The following DPYD variants were observed in gnomAD, a reference collection of about 807,000 sequenced individuals.
The protein encoded by DPYD is dihydropyrimidine dehydrogenase [NADP(+)].
A neutral mutation model predicts 116.2 loss-of-function variants in DPYD; 109 were observed. The observed-to-expected ratio is 0.94, with a 90% CI of 0.80 to 1.10. The LOEUF is 1.10. DPYD is among the 50% of genes least tolerant of loss of function. The pLI is 0.00. For missense variants in DPYD, 1,302 were observed against 1,254.5 expected (o/e 1.04, Z -0.57); for synonymous variants, 440 against 432.0 (o/e 1.02, Z -0.23).
At chr1:97,591,508 C>T (rs532839967) in intron 10 of DPYD, among the ~76,000 whole-genome samples, 10 of 152,006 alleles carry the variant, frequency 6.6e-5, no homozygotes, top group African/African-American at 1.9e-4. Context: ...AAATTCATAC[C>T]GCTACCCTCT....
intron 12 of DPYD, among the ~76,000 whole-genome samples, chr1:97,532,676 T>C (rs936052963): frequency 1.3e-5 from 2 of 152,124 alleles, no homozygotes; most frequent in African/African-American, 2.4e-5. Context: ...TAGTCCCTTA[T>C]GGTCTTGCTT....
intron 8 of DPYD, among the ~76,000 whole-genome samples, chr1:97,626,956 G>A (rs1021141952): frequency 6.6e-6 from 1 of 151,958 alleles, no homozygotes; most frequent in African/African-American, 2.4e-5. Flanking sequence ...TAGACTGCGT[G>A]ACTTATAAAC....
intron 3 of DPYD, among the ~76,000 whole-genome samples, chr1:97,776,102 C>T (rs1204616666): frequency 6.6e-6 from 1 of 152,152 alleles, no homozygotes; most frequent in Non-Finnish European, 1.5e-5. Flanking sequence ...TTTGATAGTA[C>T]AACAGAGTGT....
intron 14 of DPYD, among the ~76,000 whole-genome samples, chr1:97,447,305 G>A (rs537587296): frequency 3.4e-4 from 52 of 152,320 alleles, no homozygotes; most frequent in Middle Eastern, 3.4e-3. Flanking sequence ...TCCAGCAAGA[G>A]TGATAATTAA....
intron 18 of DPYD, among the ~76,000 whole-genome samples, chr1:97,258,598 T>G: frequency 6.6e-6 from 1 of 152,170 alleles, no homozygotes; most frequent in East Asian, 1.9e-4. Flanking sequence ...TCCAAGTCCT[T>G]GTCTTCAGGC....
intron 18 of DPYD, among the ~76,000 whole-genome samples, chr1:97,286,025 T>G (rs1044864126): frequency 5.3e-5 from 8 of 152,222 alleles, no homozygotes; most frequent in African/African-American, 1.9e-4. Flanking sequence ...TCGATAATCT[T>G]TACAATTTGG....
At chr1:97,191,817 A>G (rs1455386751) in intron 20 of DPYD, among the ~76,000 whole-genome samples, 2 of 152,196 alleles carry the variant, frequency 1.3e-5, no homozygotes, top group Non-Finnish European at 2.9e-5. Flanking sequence ...TTTTTTAGTT[A>G]TAAGCAACCT....
chr1:97,362,596 A>G (rs1216588060), intron 16 of DPYD, among the ~76,000 whole-genome samples: 2 of 152,230 alleles, frequency 1.3e-5, no homozygotes, highest in Non-Finnish European at 2.9e-5. Context: ...TACTGGTACC[A>G]AAAGAGCTAT....
At chr1:97,492,820 AC>A (rs1679044364) in intron 13 of DPYD, among the ~76,000 whole-genome samples, 1 of 152,004 alleles carries the variant, frequency 6.6e-6, no homozygotes, top group African/African-American at 2.4e-5. Flanking sequence ...TACCTTTGAA[AC>A]CCCCCACCCA....
intron 18 of DPYD, among the ~76,000 whole-genome samples, chr1:97,283,719 G>A (rs1665479320): frequency 6.6e-6 from 1 of 152,128 alleles, no homozygotes; most frequent in South Asian, 2.1e-4. Flanking sequence ...CTATGCTGAA[G>A]TAGTTATGTT....
chr1:97,348,987 A>G (rs1436594104), intron 16 of DPYD, among the ~76,000 whole-genome samples: 2 of 152,188 alleles, frequency 1.3e-5, no homozygotes, highest in Non-Finnish European at 2.9e-5. Flanking sequence ...CAAGAAGAAA[A>G]GCAAGTAATA....
At chr1:97,257,458 G>T (rs373315413) in intron 18 of DPYD, among the ~76,000 whole-genome samples, 170 of 131,722 alleles carry the variant, frequency 1.3e-3, no homozygotes, top group South Asian at 2.5e-3. Flanking sequence ...TATATAGAGA[G>T]AGAGAAAGAG....
intron 19 of DPYD, among the ~76,000 whole-genome samples, chr1:97,217,592 ATTGT>A (rs1320717618): frequency 6.6e-6 from 1 of 151,942 alleles, no homozygotes; most frequent in Non-Finnish European, 1.5e-5. Flanking sequence ...GTGTGCCCAA[ATTGT>A]TTGCTTATTT....
At chr1:97,272,232 C>T (rs963319278) in intron 18 of DPYD, among the ~76,000 whole-genome samples, 3 of 152,078 alleles carry the variant, frequency 2.0e-5, no homozygotes, top group Non-Finnish European at 2.9e-5. Flanking sequence ...AAAAATGTGG[C>T]AGAGAGCACA....
intron 20 of DPYD, among the ~76,000 whole-genome samples, chr1:97,169,913 C>G (rs773327306): frequency 2.0e-5 from 3 of 152,146 alleles, no homozygotes; most frequent in Non-Finnish European, 4.4e-5. Flanking sequence ...TGCCTCATCT[C>G]ACTTCACCCC....
intron 16 of DPYD, among the ~76,000 whole-genome samples, chr1:97,367,911 G>A (rs746983694): frequency 2.0e-5 from 3 of 152,062 alleles, no homozygotes; most frequent in Non-Finnish European, 4.4e-5. Flanking sequence ...ATTCAAATGT[G>A]AGTATGCACT....
chr1:97,340,694 A>C (rs909996312), intron 16 of DPYD, among the ~76,000 whole-genome samples: 3 of 152,116 alleles, frequency 2.0e-5, no homozygotes, highest in African/African-American at 7.2e-5. Context: ...AAAGAAAATA[A>C]AAACACAACA....
intron 16 of DPYD, among the ~76,000 whole-genome samples, chr1:97,340,726 C>G (rs1463131084): frequency 2.6e-5 from 4 of 152,048 alleles, no homozygotes; most frequent in Non-Finnish European, 4.4e-5. Flanking sequence ...TAATAGGTAT[C>G]TGTTAGATTT....
At chr1:97,418,182 G>C (rs1674384016) in intron 14 of DPYD, among the ~76,000 whole-genome samples, 1 of 151,954 alleles carries the variant, frequency 6.6e-6, no homozygotes, top group Non-Finnish European at 1.5e-5. Flanking sequence ...ATAGAGATGT[G>C]GGAAATACAT....
Sources: allele counts gnomAD v4.1 joint callset (sites outside exome capture counted in the v4.1 genomes callset), GRCh38; gene constraint gnomAD v4.1.1; transcripts MANE v1.5; gene names NCBI Gene and HGNC (gene_info 2026-07-23, HGNC 2026-07-21).